NBEA: variants seen among roughly 807,000 people sequenced by gnomAD.
NBEA encodes neurobeachin, also known as lysosomal-trafficking regulator 2.
A neutral mutation model predicts 343.4 loss-of-function variants in NBEA; 44 were observed. The observed-to-expected ratio is 0.13, with a 90% CI of 0.10 to 0.16. NBEA has a LOEUF of 0.16. NBEA is among the 10% of genes least tolerant of loss of function. The pLI is 1.00. For missense variants in NBEA, 2,555 were observed against 3,631.3 expected (o/e 0.70, Z 7.62); for synonymous variants, 1,175 against 1,238.7 (o/e 0.95, Z 1.08).
In NBEA at chr13:35,664,985, C is replaced by G. The variant is rs1028946365; in HGVS notation, c.8363-100C>G. 3.8e-6 allele frequency: 3 copies of G among 787,300 alleles called. No individual in the cohort carries two copies. In the African/African-American group the frequency reaches 5.1e-5, roughly 13 times the overall value. The allele number at this position is 787,300 out of a possible 1,614,324, so 48.8% of individuals were successfully genotyped here. Reference sequence around the variant, plus strand: ...TGGTCACACAGCTTAATAATAATGCCCTTAATAAACATGGGTATTTTTTGA... The same window carrying G: ...TGGTCACACAGCTTAATAATAATGCGCTTAATAAACATGGGTATTTTTTGA... On this transcript the variant is annotated intron_variant, in intron 55 of 58. Coordinates refer to ENST00000379939, the MANE Select transcript of NBEA (RefSeq NM_001385012.1).
At position 35,195,797 on chromosome 13, in the gene NBEA, C is replaced by G. The variant is rs973435748; in HGVS notation, c.4928-67C>G. The stretch of plus-strand genomic sequence containing the variant: ...TTTTCTTTATTTGAATATATGAAAA[C>G]ATTTGATTAATAATACAAGATTTTT... On this transcript the variant is annotated intron_variant, in intron 30 of 58. Transcript: ENST00000379939. 96 of 1,368,578 alleles carry G rather than the reference C, an allele frequency of 7.0e-5. No individual in the cohort carries two copies. The Middle Eastern group carries it at 9.7e-4, about 14-fold the overall frequency. The allele number at this position is 1,368,578 out of a possible 1,614,324, so 84.8% of individuals were successfully genotyped here.
intron 30 of NBEA, among the ~76,000 whole-genome samples, chr13:35,195,483 C>T (rs2072520018): frequency 6.6e-6 from 1 of 151,924 alleles, no homozygotes; most frequent in Admixed American, 6.6e-5. Flanking sequence ...ACTGCAACAT[C>T]CACCTTCCAG....
intron 1 of NBEA, among the ~76,000 whole-genome samples, chr13:34,982,651 C>T (rs2060396550): frequency 6.6e-6 from 1 of 152,072 alleles, no homozygotes. Flanking sequence ...CTGTGGACTT[C>T]AGTACTTTTA....
At chr13:35,266,507 T>G (rs2033693452) in intron 34 of NBEA, among the ~76,000 whole-genome samples, 1 of 151,824 alleles carries the variant, frequency 6.6e-6, no homozygotes, top group Non-Finnish European at 1.5e-5. Context: ...CTATTCAGCA[T>G]AAAGAAGGAA....
intron 55 of NBEA, among the ~76,000 whole-genome samples, chr13:35,660,533 A>G (rs2085041891): frequency 1.3e-5 from 2 of 152,176 alleles, no homozygotes; most frequent in African/African-American, 2.4e-5. Context: ...GGAGAAGCCA[A>G]TTGCAAAGGA....
chr13:35,385,978 ATAATGGTATTTCAGGTAATTACAT>A (rs1301535605), intron 38 of NBEA, among the ~76,000 whole-genome samples: 1 of 152,162 alleles, frequency 6.6e-6, no homozygotes, highest in Non-Finnish European at 1.5e-5. Flanking sequence ...CACAGTAAAT[ATAATGGTATTTCAGGTAATTACAT>A]TAATGTGCCA....
intron 34 of NBEA, among the ~76,000 whole-genome samples, chr13:35,258,868 A>G (rs569723441): frequency 1.3e-5 from 2 of 152,302 alleles, no homozygotes; most frequent in Non-Finnish European, 2.9e-5. Context: ...TTACATGAGA[A>G]ATTCAACATG....
At chr13:35,460,248 A>G (rs2046826068) in intron 40 of NBEA, among the ~76,000 whole-genome samples, 1 of 152,186 alleles carries the variant, frequency 6.6e-6, no homozygotes, top group Admixed American at 6.5e-5. Context: ...CTCACACTTA[A>G]CTCATCAAAA....
At chr13:35,664,862 G>T (rs61015102) in intron 55 of NBEA, among the ~76,000 whole-genome samples, 2 of 152,238 alleles carry the variant, frequency 1.3e-5, no homozygotes, top group East Asian at 3.8e-4. Flanking sequence ...TGTTACATAC[G>T]TTAACTTGTC....
intron 41 of NBEA, among the ~76,000 whole-genome samples, chr13:35,535,079 G>A (rs752867217): frequency 4.7e-5 from 7 of 150,416 alleles, no homozygotes; most frequent in Admixed American, 6.7e-5. Flanking sequence ...CCTGCAAGTC[G>A]GGTAATCTCT....
chr13:35,142,373 A>G lies in NBEA; in HGVS notation c.2441A>G (p.Tyr814Cys). ...TVTVTTYNTL[Y>C]EILTEQVCTQ... is the part of the protein sequence containing the mutation. Reference sequence around the variant, plus strand: ...ACTGTCACCACATACAACACACTTTATGAGGTAAAAATAAAAAATGTGTGA... The same window carrying G: ...ACTGTCACCACATACAACACACTTTGTGAGGTAAAAATAAAAAATGTGTGA... The change falls in exon 18 of 59, where the codon TAT (tyrosine) becomes TGT (cysteine). Residue 814 changes from tyrosine (Y) to cysteine (C), a missense_variant. Around this residue, in one of 21 missense-constraint regions of NBEA, gnomAD observed 360 missense variants for 519.1 expected, o/e 0.69. Coordinates refer to ENST00000379939, the MANE Select transcript of NBEA (RefSeq NM_001385012.1). 2 of 1,608,452 alleles carry G rather than the reference A, an allele frequency of 1.2e-6. No homozygotes were observed. Among genetic ancestry groups the G allele is most frequent in the Non-Finnish European group, 1.7e-6 (2 of 1,175,744 alleles).
At chr13:35,248,913 G>A (rs1028878015) in intron 34 of NBEA, among the ~76,000 whole-genome samples, 13 of 152,134 alleles carry the variant, frequency 8.5e-5, no homozygotes, top group Admixed American at 3.3e-4. Flanking sequence ...ACTTTGGGAG[G>A]CCGAGGCAGG....
intron 34 of NBEA, among the ~76,000 whole-genome samples, chr13:35,266,733 A>G (rs1036059162): frequency 6.6e-6 from 1 of 151,852 alleles, no homozygotes; most frequent in Non-Finnish European, 1.5e-5. Flanking sequence ...CAAAATTTCA[A>G]TTAGATAAGA....
chr13:35,430,808 G>GTT (rs1290309312), intron 38 of NBEA, among the ~76,000 whole-genome samples: 1 of 151,998 alleles, frequency 6.6e-6, no homozygotes, highest in East Asian at 1.9e-4. Context: ...GTTTGTATTT[G>GTT]TAAGGACAGA....
chr13:35,432,644 T>C (rs1382018291), intron 39 of NBEA, among the ~76,000 whole-genome samples: 3 of 152,074 alleles, frequency 2.0e-5, no homozygotes, highest in Non-Finnish European at 4.4e-5. Context: ...TAGTTAGTTA[T>C]TAACTAACAG....
At chr13:35,114,413 A>G (rs1019855418) in intron 13 of NBEA, among the ~76,000 whole-genome samples, 4 of 152,196 alleles carry the variant, frequency 2.6e-5, no homozygotes. Context: ...GTGTTTTGAT[A>G]CACACGGCAT....
At chr13:35,600,640 C>T (rs570132584) in intron 47 of NBEA, among the ~76,000 whole-genome samples, 2 of 152,260 alleles carry the variant, frequency 1.3e-5, no homozygotes, top group African/African-American at 4.8e-5. Flanking sequence ...ATCCTCACAT[C>T]TACCCTAAGA....
intron 6 of NBEA, among the ~76,000 whole-genome samples, chr13:35,055,783 G>A (rs2063233442): frequency 6.6e-6 from 1 of 152,096 alleles, no homozygotes; most frequent in Non-Finnish European, 1.5e-5. Context: ...ACGTCACGCT[G>A]GAGGTCAAGG....
At chr13:35,545,857 G>C (rs1379386609) in intron 41 of NBEA, among the ~76,000 whole-genome samples, 1 of 152,140 alleles carries the variant, frequency 6.6e-6, no homozygotes, top group Non-Finnish European at 1.5e-5. Context: ...TTACTGTTTT[G>C]GTTCTTGATT....
Sources: gnomAD v4.1 joint callset for allele counts (sites outside exome capture counted in the v4.1 genomes callset) on GRCh38, gnomAD v4.1.1 for gene constraint, gnomAD v4.1.1 regional missense constraint, MANE v1.5 for transcripts, NCBI Gene and HGNC (gene_info 2026-07-23, HGNC 2026-07-21) for gene names.